Variants in CSMD2 observed in about 807,000 individuals in gnomAD.
CSMD2 encodes CUB and Sushi multiple domains 2.
CSMD2 carries 130 observed loss-of-function variants against 398.5 expected under a neutral mutation model. That is an observed-to-expected ratio of 0.33 (90% CI 0.28 to 0.38). The LOEUF (loss-of-function observed/expected upper bound fraction) is 0.38. Ranked by LOEUF, CSMD2 falls within the 10% of genes least tolerant of loss-of-function variation. The pLI is 1.00. For missense variants in CSMD2, 3,829 were observed against 4,764.9 expected (o/e 0.80, Z 5.78); for synonymous variants, 1,828 against 1,908.5 (o/e 0.96, Z 1.10).
rs76362981 is a variant in CSMD2 at position 34,165,211 on chromosome 1, T to C, written c.-114A>G. ...AAAAAATCCCGGTACGCGGGAGCCCTGAGCTTCTGCGGCTGGAATGAACCA... is the reference window on the plus strand; with the variant it reads ...AAAAAATCCCGGTACGCGGGAGCCCCGAGCTTCTGCGGCTGGAATGAACCA... On this transcript the variant is annotated 5_prime_UTR_variant, in exon 1 of 71. Coordinates refer to ENST00000373381, the MANE Select transcript of CSMD2 (RefSeq NM_001281956.2). 3 of 1,165,406 alleles carry C rather than the reference T, an allele frequency of 2.6e-6. No individual in the cohort carries two copies. Among genetic ancestry groups the C allele is most frequent in the Non-Finnish European group, 3.2e-6 (3 of 945,706 alleles). 72.2% of individuals were successfully genotyped at this position (1,165,406 alleles called of 1,614,324 possible). A position where few individuals can be genotyped will look rare whatever the true frequency, so the allele number is the denominator to read the frequency against.
At chr1:33,626,449 A>G in intron 33 of CSMD2, 37 bp downstream of exon 33, 3 of 1,468,194 alleles carry the variant, frequency 2.0e-6, no homozygotes, top group Non-Finnish European at 2.8e-6. Flanking sequence ...AAGAACCGAG[A>G]TCACCTTCCT....
chr1:33,756,298 C>G (rs1013298548), intron 13 of CSMD2, among the ~76,000 whole-genome samples: 6 of 152,194 alleles, frequency 3.9e-5, no homozygotes, highest in African/African-American at 1.4e-4. Context: ...CTCCACCTAG[C>G]TCAAGTATTG....
chr1:33,783,110 G>C (rs866876569), intron 12 of CSMD2, among the ~76,000 whole-genome samples: 7 of 152,280 alleles, frequency 4.6e-5, no homozygotes, highest in Middle Eastern at 6.8e-3. Context: ...GAGGTGGGGA[G>C]AGGGAAAAGG....
At chr1:33,889,606 T>C (rs1375065705) in intron 5 of CSMD2, among the ~76,000 whole-genome samples, 1 of 152,092 alleles carries the variant, frequency 6.6e-6, no homozygotes. Context: ...TTATTTGAAA[T>C]AGTGAAAAAT....
At chr1:33,815,315 G>A (rs147685336) in intron 9 of CSMD2, 15 of 152,148 alleles carry the variant, frequency 9.9e-5, no homozygotes, top group South Asian at 4.1e-4. Flanking sequence ...CTTCAGTGAC[G>A]CTTTTTGGCT....
chr1:33,914,431 G>A (rs1297453361), intron 5 of CSMD2, among the ~76,000 whole-genome samples: 2 of 151,850 alleles, frequency 1.3e-5, no homozygotes, highest in African/African-American at 4.8e-5. Context: ...TGTTGGGTGA[G>A]GGCTGCACAC....
At chr1:34,058,663 T>C (rs1168890150) in intron 2 of CSMD2, among the ~76,000 whole-genome samples, 2 of 152,102 alleles carry the variant, frequency 1.3e-5, no homozygotes, top group Non-Finnish European at 2.9e-5. Context: ...TTGGAGTGAG[T>C]GTCAGCTCTG....
rs78258255 is a variant in CSMD2, at chr1:33,699,236, G to A, written c.3734-292C>T. On this transcript the variant is annotated intron_variant, in intron 23 of 70. Coordinates refer to ENST00000373381, the MANE Select transcript of CSMD2 (RefSeq NM_001281956.2). ...GACCCCGTAGCATTTTTGCTAGCAG[G>A]AGCGTTCTTTTCATTTTGCTTATTG... Among the ~76,000 whole-genome samples, 785 of 152,274 alleles carry A rather than the reference G, an allele frequency of 5.2e-3. 10 individuals are homozygous for A. The highest frequency in any genetic ancestry group is 0.018 in the African/African-American group (753 of 41,568).
chr1:33,770,451 T>C (rs939144260), intron 13 of CSMD2, among the ~76,000 whole-genome samples: 2 of 152,204 alleles, frequency 1.3e-5, no homozygotes, highest in African/African-American at 4.8e-5. Context: ...GGGTACTCAG[T>C]AGGGAGTGGG....
chr1:34,153,909 A>G (rs1640562544), intron 1 of CSMD2, among the ~76,000 whole-genome samples: 1 of 152,212 alleles, frequency 6.6e-6, no homozygotes. Flanking sequence ...ATCAAAAGGA[A>G]GCATTTCTGT....
chr1:34,085,173 T>C (rs1027918392), intron 2 of CSMD2, among the ~76,000 whole-genome samples: 1 of 151,892 alleles, frequency 6.6e-6, no homozygotes, highest in Non-Finnish European at 1.5e-5. Context: ...AGGTGGGAAT[T>C]GAACAATGAC....
intron 3 of CSMD2, among the ~76,000 whole-genome samples, chr1:33,939,493 GAACT>G (rs1482600989): frequency 2.6e-5 from 4 of 152,158 alleles, no homozygotes; most frequent in African/African-American, 9.7e-5. Flanking sequence ...AACTGGTGTA[GAACT>G]AACGTGTCAT....
intron 25 of CSMD2, among the ~76,000 whole-genome samples, chr1:33,664,333 A>G (rs1644239315): frequency 6.6e-6 from 1 of 152,170 alleles, no homozygotes; most frequent in Admixed American, 6.5e-5. Flanking sequence ...TTCATTTAAT[A>G]CTATATCATG....
chr1:33,984,451 C>G (rs1317445266), intron 3 of CSMD2, among the ~76,000 whole-genome samples: 1 of 152,164 alleles, frequency 6.6e-6, no homozygotes, highest in Non-Finnish European at 1.5e-5. Context: ...GCAAGACACT[C>G]AAGTGTGAAG....
chr1:33,789,833 G>C (rs928340239), intron 11 of CSMD2, among the ~76,000 whole-genome samples: 1 of 152,138 alleles, frequency 6.6e-6, no homozygotes, highest in Non-Finnish European at 1.5e-5. Flanking sequence ...CCTGACTCTG[G>C]GGTGCTGATG....
At chr1:33,785,271 C>T (rs971053705) in intron 12 of CSMD2, among the ~76,000 whole-genome samples, 3 of 152,256 alleles carry the variant, frequency 2.0e-5, no homozygotes, top group Non-Finnish European at 4.4e-5. Context: ...TCCCCAACCT[C>T]TGGTGACATG....
At chr1:33,880,412 C>A (rs1282831008) in intron 5 of CSMD2, among the ~76,000 whole-genome samples, 1 of 152,200 alleles carries the variant, frequency 6.6e-6, no homozygotes, top group African/African-American at 2.4e-5. Flanking sequence ...TTCCATACCA[C>A]CTACTCTTTA....
intron 25 of CSMD2, among the ~76,000 whole-genome samples, chr1:33,672,878 C>G (rs537752520): frequency 6.6e-6 from 1 of 152,208 alleles, no homozygotes; most frequent in East Asian, 1.9e-4. Flanking sequence ...CCAGCAAACT[C>G]CAACAGACCT....
intron 47 of CSMD2, among the ~76,000 whole-genome samples, chr1:33,581,845 T>C (rs1638752531): frequency 6.6e-6 from 1 of 152,152 alleles, no homozygotes; most frequent in East Asian, 1.9e-4. Flanking sequence ...GGCTCTACTA[T>C]GCCACTGAGA....
Sources: allele counts gnomAD v4.1 joint callset (sites outside exome capture counted in the v4.1 genomes callset), GRCh38; gene constraint gnomAD v4.1.1; transcripts MANE v1.5; gene names NCBI Gene and HGNC (gene_info 2026-07-23, HGNC 2026-07-21).